Variants in ASAP1 observed in about 807,000 individuals in gnomAD.
The protein encoded by ASAP1 is arf-GAP with SH3 domain, ANK repeat and PH domain-containing protein 1.
A neutral mutation model predicts 145.2 loss-of-function variants in ASAP1; 43 were observed. The observed-to-expected ratio is 0.30, with a 90% CI of 0.23 to 0.38. The LOEUF (loss-of-function observed/expected upper bound fraction) is 0.38, where lower values mean the gene tolerates loss of function less well. ASAP1 is among the 10% of genes least tolerant of loss of function. The pLI is 1.00. For missense variants in ASAP1, 1,018 were observed against 1,355.3 expected (o/e 0.75, Z 3.91); for synonymous variants, 546 against 515.5 (o/e 1.06, Z -0.80).
intron 2 of ASAP1, among the ~76,000 whole-genome samples, chr8:130,380,663 A>AC (rs927024098): frequency 1.3e-5 from 2 of 152,192 alleles, no homozygotes; most frequent in Non-Finnish European, 2.9e-5. Context: ...ACCCAGTGCA[A>AC]CCCATGCATG....
intron 2 of ASAP1, among the ~76,000 whole-genome samples, chr8:130,383,644 C>T (rs956169352): frequency 6.6e-6 from 1 of 152,124 alleles, no homozygotes; most frequent in Non-Finnish European, 1.5e-5. Flanking sequence ...CAAGGCCACA[C>T]AGCAGGGAGA....
At chr8:130,078,370 C>T (rs76185688) in intron 26 of ASAP1, among the ~76,000 whole-genome samples, 8,772 of 152,112 alleles carry the variant, frequency 0.058, 856 homozygotes, top group African/African-American at 0.2. Flanking sequence ...TCATGACTCA[C>T]TGCAGCCTCA....
At chr8:130,276,686 A>AC (rs1491553920) in intron 3 of ASAP1, among the ~76,000 whole-genome samples, 5 of 119,686 alleles carry the variant, frequency 4.2e-5, no homozygotes, top group African/African-American at 1.4e-4. Context: ...CCAAGACTGC[A>AC]AACACACACA....
intron 3 of ASAP1, among the ~76,000 whole-genome samples, chr8:130,268,327 A>G (rs1260229872): frequency 6.6e-6 from 1 of 152,022 alleles, no homozygotes; most frequent in East Asian, 1.9e-4. Flanking sequence ...CTCTACAAAA[A>G]TATTAAAAAA....
intron 3 of ASAP1, among the ~76,000 whole-genome samples, chr8:130,346,112 T>C (rs1825689568): frequency 1.3e-5 from 2 of 152,244 alleles, no homozygotes; most frequent in African/African-American, 4.8e-5. Context: ...ACAATCTTCA[T>C]AATTTTACTC....
chr8:130,089,462 A>G (rs1300934435), intron 25 of ASAP1, among the ~76,000 whole-genome samples: 1 of 152,088 alleles, frequency 6.6e-6, no homozygotes, highest in East Asian at 1.9e-4. Context: ...TCATGGGCTG[A>G]GGAGAGATGA....
At chr8:130,117,684 C>T (rs2097558630) in intron 20 of ASAP1, among the ~76,000 whole-genome samples, 1 of 152,214 alleles carries the variant, frequency 6.6e-6, no homozygotes, top group African/African-American at 2.4e-5. Flanking sequence ...ACACACACTG[C>T]TGCTGTCTTA....
At chr8:130,061,275 C>A (rs1014004569) in intron 27 of ASAP1, among the ~76,000 whole-genome samples, 10 of 152,018 alleles carry the variant, frequency 6.6e-5, no homozygotes, top group Admixed American at 6.6e-4. Flanking sequence ...TGATTTTATG[C>A]TTCAATTATA....
At chr8:130,174,865 T>A (rs575976291) in intron 9 of ASAP1, among the ~76,000 whole-genome samples, 6 of 152,274 alleles carry the variant, frequency 3.9e-5, no homozygotes, top group African/African-American at 1.4e-4. Flanking sequence ...ATGTTCCATT[T>A]TGATATACCA....
intron 3 of ASAP1, among the ~76,000 whole-genome samples, chr8:130,281,978 A>T (rs1276087901): frequency 1.3e-5 from 2 of 151,980 alleles, no homozygotes; most frequent in African/African-American, 4.8e-5. Flanking sequence ...GAGGCAGGAG[A>T]ATAACTTGAA....
chr8:130,236,624 TCA>T (rs1233079441), intron 4 of ASAP1, among the ~76,000 whole-genome samples: 12 of 152,256 alleles, frequency 7.9e-5, no homozygotes, highest in Admixed American at 5.2e-4. Flanking sequence ...TTGACCAAAT[TCA>T]CACAGAGATT....
rs1232467383 is a variant in ASAP1, at chr8:130,443,609, G to C, written c.-177C>G. On this transcript the variant is annotated 5_prime_UTR_variant, in exon 1 of 30. Coordinates refer to ENST00000518721, the MANE Select transcript of ASAP1 (RefSeq NM_018482.4). ...TGCCCAGCGCACAGTGCTCGCCCGC[G>C]GCAGCGGCCAGGCCAGGCGAGGCGC... 2.0e-5 allele frequency: 3 copies of C among 151,270 alleles called. No individual in the cohort carries two copies. The highest frequency in any genetic ancestry group is 1.5e-5 in the Non-Finnish European group (1 of 67,792). The allele number at this position is 151,270 out of a possible 1,614,324, so 9.4% of individuals were successfully genotyped here.
rs1027718224 is a variant in ASAP1, at chr8:130,361,284, G to A, written c.60-3141C>T. 1.4e-5 allele frequency: 3 copies of A among 220,546 alleles called. No homozygotes were observed. In the Admixed American group the frequency reaches 1.6e-4, roughly 11 times the overall value. The allele number at this position is 220,546 out of a possible 1,614,324, so 13.7% of individuals were successfully genotyped here. A position where few individuals can be genotyped will look rare whatever the true frequency, so the allele number is the denominator to read the frequency against. The stretch of plus-strand genomic sequence containing the variant: ...GTTTTCCCTCCTAGTAACTGATGCT[G>A]TCATCTTGGGCCTTAGTGCTATCCT... On this transcript the variant is annotated intron_variant, in intron 2 of 29. Coordinates refer to ENST00000518721, the MANE Select transcript of ASAP1 (RefSeq NM_018482.4).
intron 3 of ASAP1, among the ~76,000 whole-genome samples, chr8:130,344,305 T>A (rs775508287): frequency 5.9e-5 from 9 of 152,230 alleles, no homozygotes; most frequent in African/African-American, 2.2e-4. Context: ...CCAGGGAAAT[T>A]TGAACAGCGA....
chr8:130,393,428 T>C (rs1487003610), intron 2 of ASAP1, among the ~76,000 whole-genome samples: 2 of 152,142 alleles, frequency 1.3e-5, no homozygotes, highest in African/African-American at 4.8e-5. Context: ...CCTGGTACTC[T>C]TTTAAACATT....
At chr8:130,316,337 C>T (rs1167918374) in intron 3 of ASAP1, among the ~76,000 whole-genome samples, 1 of 152,110 alleles carries the variant, frequency 6.6e-6, no homozygotes, top group Non-Finnish European at 1.5e-5. Flanking sequence ...ACTTCTCCAC[C>T]TCCTCACTTC....
At chr8:130,055,372 T>C (rs2097401611) in intron 29 of ASAP1, among the ~76,000 whole-genome samples, 1 of 151,804 alleles carries the variant, frequency 6.6e-6, no homozygotes, top group South Asian at 2.1e-4. Context: ...CTATTCCTAG[T>C]TGGGAAGGAA....
rs73416002 is a variant in ASAP1, at chr8:130,331,066, T to C, written c.186+26951A>G. Among the ~76,000 whole-genome samples the C allele has an allele frequency of 3.0e-3, 451 of 152,192 alleles. 2 individuals carry two copies. Among genetic ancestry groups the C allele is most frequent in the African/African-American group, 0.01 (420 of 41,516 alleles). ...CCCCAGCTGCAAAAAGGGAATAAGA[T>C]TACTTCCCAAGCAGATGGACATAAA... On this transcript the variant is annotated intron_variant, in intron 3 of 29. Transcript: ENST00000518721.
chr8:130,206,915 C>T (rs556116132), intron 5 of ASAP1, among the ~76,000 whole-genome samples: 3 of 152,096 alleles, frequency 2.0e-5, no homozygotes, highest in African/African-American at 7.2e-5. Context: ...AGGAATGATG[C>T]CTGATGCCAG....
Sources: allele counts gnomAD v4.1 joint callset (sites outside exome capture counted in the v4.1 genomes callset), GRCh38; gene constraint gnomAD v4.1.1; transcripts MANE v1.5; gene names NCBI Gene and HGNC (gene_info 2026-07-23, HGNC 2026-07-21).